The following GADL1 variants were observed in gnomAD, a reference collection of about 807,000 sequenced individuals.
GADL1 encodes acidic amino acid decarboxylase GADL1.
GADL1 carries 71 observed loss-of-function variants against 69.5 expected under a neutral mutation model. The ratio of observed to expected loss-of-function variants is 1.02; its 90% CI spans 0.84 to 1.25. GADL1 has a LOEUF of 1.25. Ranked by LOEUF, GADL1 falls within the 50% of genes most tolerant of loss-of-function variation. The pLI, the probability that GADL1 is intolerant of heterozygous loss-of-function variation, is 0.00. For synonymous variants in GADL1, 254 were observed against 214.4 expected, an observed-to-expected ratio of 1.18 and a Z score of -1.62; for missense variants, 737 against 631.8, an observed-to-expected ratio of 1.17 and a Z score of -1.79.
intron 14 of GADL1, among the ~76,000 whole-genome samples, chr3:30,753,658 C>CT (rs1412164283): frequency 3.3e-5 from 5 of 152,098 alleles, no homozygotes; most frequent in South Asian, 2.1e-4. Context: ...CGGGATGTGG[C>CT]TTAGAGAATC....
chr3:30,863,926 C>A (rs1023880615), intron 1 of GADL1, among the ~76,000 whole-genome samples: 6 of 151,996 alleles, frequency 3.9e-5, no homozygotes, highest in African/African-American at 1.2e-4. Flanking sequence ...CAGGAAGATC[C>A]CCCAGTTGGG....
At chr3:30,833,082 GGAGTCCCCTAAGA>G (rs1697818121) in intron 11 of GADL1, among the ~76,000 whole-genome samples, 1 of 151,928 alleles carries the variant, frequency 6.6e-6, no homozygotes, top group African/African-American at 2.4e-5. Flanking sequence ...ATTGGCAAAG[GGAGTCCCCTAAGA>G]AAAAAATGTA....
chr3:30,890,592 A>G (rs968426768), intron 1 of GADL1, among the ~76,000 whole-genome samples: 8 of 152,212 alleles, frequency 5.3e-5, no homozygotes, highest in Non-Finnish European at 1.2e-4. Flanking sequence ...TCCTGTTTTA[A>G]TATGTAAATT....
intron 1 of GADL1, among the ~76,000 whole-genome samples, chr3:30,871,042 A>AGCGTGT (rs1698473675): frequency 7.1e-6 from 1 of 141,378 alleles, no homozygotes; most frequent in Non-Finnish European, 1.5e-5. Context: ...AAGGCAGAAA[A>AGCGTGT]GTGTGTGTGT....
intron 11 of GADL1, among the ~76,000 whole-genome samples, chr3:30,801,747 C>T (rs185456815): frequency 7.9e-5 from 12 of 152,218 alleles, no homozygotes; most frequent in East Asian, 3.9e-4. Context: ...CTATTCATCA[C>T]GATTATAGGG....
At chr3:30,832,487 G>A (rs1013133756) in intron 11 of GADL1, among the ~76,000 whole-genome samples, 4 of 151,994 alleles carry the variant, frequency 2.6e-5, no homozygotes, top group African/African-American at 9.7e-5. Context: ...TTACTTAAGA[G>A]TAGTCATAAA....
chr3:30,751,573 G>T (rs1695818794), intron 14 of GADL1, among the ~76,000 whole-genome samples: 1 of 151,206 alleles, frequency 6.6e-6, no homozygotes, highest in South Asian at 2.1e-4. Context: ...TAGAAAAAAG[G>T]CTTTCTAGAA....
intron 1 of GADL1, among the ~76,000 whole-genome samples, chr3:30,868,521 C>T (rs747803887): frequency 3.3e-5 from 5 of 151,886 alleles, no homozygotes; most frequent in African/African-American, 4.8e-5. Flanking sequence ...CTGTGTGATC[C>T]GTATTTCTTT....
chr3:30,787,001 A>G (rs1429390923), intron 12 of GADL1, among the ~76,000 whole-genome samples: 2 of 152,134 alleles, frequency 1.3e-5, no homozygotes, highest in African/African-American at 4.8e-5. Flanking sequence ...AACAGTGAGA[A>G]CACATGGACA....
chr3:30,755,765 G>A (rs1263230566), intron 14 of GADL1, among the ~76,000 whole-genome samples: 1 of 152,026 alleles, frequency 6.6e-6, no homozygotes, highest in Non-Finnish European at 1.5e-5. Flanking sequence ...GAAACAAAAG[G>A]CAAATGTCTA....
intron 1 of GADL1, among the ~76,000 whole-genome samples, chr3:30,880,553 G>T (rs1384667311): frequency 6.6e-6 from 1 of 151,934 alleles, no homozygotes; most frequent in Non-Finnish European, 1.5e-5. Flanking sequence ...TGCCATGATT[G>T]TGAGGCCTCC....
chr3:30,885,170 T>C (rs1045943711), intron 1 of GADL1, among the ~76,000 whole-genome samples: 3 of 152,120 alleles, frequency 2.0e-5, no homozygotes, highest in Non-Finnish European at 4.4e-5. Context: ...AACTCCTCAT[T>C]ATGCCTTAGA....
chr3:30,767,166 C>T (rs1696301171), intron 14 of GADL1, among the ~76,000 whole-genome samples: 1 of 152,120 alleles, frequency 6.6e-6, no homozygotes, highest in African/African-American at 2.4e-5. Flanking sequence ...AAGCAAGTTT[C>T]AGTAACTTGT....
chr3:30,758,751 G>A (rs534698675), intron 14 of GADL1, among the ~76,000 whole-genome samples: 33 of 152,318 alleles, frequency 2.2e-4, no homozygotes, highest in Admixed American at 3.9e-4. Flanking sequence ...CATAAAGCAA[G>A]TATTTATTTA....
chr3:30,739,251 T>G (rs1695581396), intron 14 of GADL1, among the ~76,000 whole-genome samples: 1 of 152,130 alleles, frequency 6.6e-6, no homozygotes, highest in Admixed American at 6.6e-5. Context: ...CTAAGAGACA[T>G]CTTGTTCTAT....
chr3:30,868,663 T>C (rs561877065), intron 1 of GADL1, among the ~76,000 whole-genome samples: 1 of 152,054 alleles, frequency 6.6e-6, no homozygotes, highest in Non-Finnish European at 1.5e-5. Flanking sequence ...AGTTTCAGTC[T>C]ATATGAACTC....
At chr3:30,769,510 CCT>C (rs2125491220) in intron 14 of GADL1, among the ~76,000 whole-genome samples, 1 of 152,240 alleles carries the variant, frequency 6.6e-6, no homozygotes, top group South Asian at 2.1e-4. Flanking sequence ...CTGCTTCCCC[CCT>C]GTGCCTGCCT....
chr3:30,764,836 G>A (rs1696231631), intron 14 of GADL1, among the ~76,000 whole-genome samples: 1 of 152,134 alleles, frequency 6.6e-6, no homozygotes, highest in Non-Finnish European at 1.5e-5. Flanking sequence ...TATTACAGTT[G>A]ACTAAAGCAA....
At chr3:30,865,827 G>A (rs78069871) in intron 1 of GADL1, among the ~76,000 whole-genome samples, 3,821 of 151,960 alleles carry the variant, frequency 0.025, 123 homozygotes, top group East Asian at 0.14. Flanking sequence ...GTCAGCGCAC[G>A]GACCACAGGC....
Sources: gnomAD v4.1 joint callset for allele counts (sites outside exome capture counted in the v4.1 genomes callset) on GRCh38, gnomAD v4.1.1 for gene constraint, MANE v1.5 for transcripts, NCBI Gene and HGNC (gene_info 2026-07-23, HGNC 2026-07-21) for gene names.